The following FYB1 variants were observed in gnomAD, a reference collection of about 807,000 sequenced individuals.
FYB1 encodes the protein FYN binding protein 1, also known as FYN-binding protein 1.
In FYB1, 41 loss-of-function variants were observed where a neutral mutation model predicts 94.1. The observed-to-expected ratio is 0.44, with a 90% CI of 0.34 to 0.57. FYB1 has a LOEUF of 0.57. Ranked by LOEUF, FYB1 falls within the 20% of genes least tolerant of loss-of-function variation. The probability of loss-of-function intolerance (pLI) is 0.02; values close to 1 mark genes in which losing one functional copy is unlikely to be tolerated. For missense variants in FYB1, 1,050 were observed against 976.8 expected (o/e 1.07, Z -1.00); for synonymous variants, 367 against 353.2 (o/e 1.04, Z -0.44).
In FYB1 at chr5:39,175,931, AGACATCAGT is replaced by A. The variant is rs1745679816; in HGVS notation, c.1136-22336_1136-22328del. Among the ~76,000 whole-genome samples, 5 of 152,246 alleles carry A rather than the reference AGACATCAGT, an allele frequency of 3.3e-5. No homozygotes were observed. The South Asian group carries it at 1.0e-3, about 32-fold the overall frequency. ...TAATGGATAAGGAATAGTGTGTCCC[AGACATCAGT>A]GACATTCAAGAATATGGAATCACTC... is the stretch of plus-strand genomic sequence containing the variant. On this transcript the variant is annotated intron_variant, in intron 2 of 18. Transcript: ENST00000512982.
chr5:39,262,959 G>A (rs1362640915), intron 1 of FYB1, among the ~76,000 whole-genome samples: 1 of 150,494 alleles, frequency 6.6e-6, no homozygotes, highest in African/African-American at 2.5e-5. Flanking sequence ...GTGGGAAGGA[G>A]GGACATAGAA....
intron 1 of FYB1, among the ~76,000 whole-genome samples, chr5:39,237,758 C>T (rs555265237): frequency 2.2e-4 from 34 of 152,022 alleles, no homozygotes; most frequent in Non-Finnish European, 4.3e-4. Context: ...AACATTCATA[C>T]AAATAAATGG....
Position 39,202,677 on chromosome 5 carries a change from G to T in FYB1, c.284C>A (p.Pro95Gln). The change falls in exon 2 of 19, where the codon CCA becomes CAA. Residue 95 changes from proline (P) to glutamine (Q), a missense_variant. Physicochemically the swap from Pro to Gln is moderately conservative, Grantham distance 76. Transcript: ENST00000512982. ...PTGAGQRFGT[P>Q]ASLTTRDPEA... ...GGGGTCTCTGGTGGTCAAGCTGGCT[G>T]GTGTTCCGAATCTTTGGCCTGCTCC... The T allele has an allele frequency of 6.2e-7, 1 of 1,613,878 alleles. No individual in the cohort carries two copies. The highest frequency in any genetic ancestry group is 1.3e-5 in the African/African-American group (1 of 75,000).
intron 1 of FYB1, among the ~76,000 whole-genome samples, chr5:39,246,396 AT>A (rs1303693090): frequency 6.6e-6 from 1 of 152,220 alleles, no homozygotes; most frequent in Non-Finnish European, 1.5e-5. Context: ...TATGGTGTCA[AT>A]TCAGCTTGGA....
rs1463556753 is a variant in FYB1, at chr5:39,119,653, C to T, written c.2139-19G>A. 2.0e-6 allele frequency: 3 copies of T among 1,479,840 alleles called. No individual in the cohort carries two copies. Among genetic ancestry groups the T allele is most frequent in the Non-Finnish European group, 1.8e-6 (2 of 1,116,450 alleles). The allele number at this position is 1,479,840 out of a possible 1,614,324, so 91.7% of individuals were successfully genotyped here. On this transcript the variant is annotated intron_variant, in intron 14 of 18. Coordinates refer to ENST00000512982, the MANE Select transcript of FYB1 (RefSeq NM_001465.6). ...TCCTTGACTAGAACGGCAGAACACA[C>T]ATAAAACAACACTTTGTTTAGAAAA... is the stretch of plus-strand genomic sequence containing the variant.
intron 2 of FYB1, among the ~76,000 whole-genome samples, chr5:39,190,753 G>C (rs1329915517): frequency 7.6e-6 from 1 of 131,478 alleles, no homozygotes; most frequent in Admixed American, 8.5e-5. Flanking sequence ...TGACTGAGGA[G>C]CAAACCATGC....
intron 1 of FYB1, among the ~76,000 whole-genome samples, chr5:39,232,547 A>ATT (rs112022910): frequency 6.7e-6 from 1 of 149,882 alleles, no homozygotes; most frequent in African/African-American, 2.5e-5. Flanking sequence ...TTATTTATTT[A>ATT]TTTTTTATTT....
intron 2 of FYB1, among the ~76,000 whole-genome samples, chr5:39,172,769 G>C (rs568227862): frequency 6.6e-6 from 1 of 152,318 alleles, no homozygotes; most frequent in East Asian, 1.9e-4. Flanking sequence ...TTGCTGCAAA[G>C]GACATGACTT....
At chr5:39,161,707 C>T (rs1011039188) in intron 2 of FYB1, among the ~76,000 whole-genome samples, 11 of 151,806 alleles carry the variant, frequency 7.2e-5, no homozygotes, top group African/African-American at 2.7e-4. Flanking sequence ...AAGTATAAGT[C>T]ACATAAATAA....
intron 2 of FYB1, among the ~76,000 whole-genome samples, chr5:39,180,919 T>C (rs926591856): frequency 3.9e-5 from 6 of 152,256 alleles, no homozygotes; most frequent in Admixed American, 3.9e-4. Context: ...AGAGATTATA[T>C]AAAAGATTAC....
intron 1 of FYB1, 29 bp downstream of exon 1, chr5:39,219,414 G>A (rs1383218598): frequency 1.0e-6 from 1 of 984,928 alleles, no homozygotes; most frequent in Non-Finnish European, 1.2e-6. Context: ...ACATTTATTT[G>A]AAAGAAGAAA....
intron 5 of FYB1, chr5:39,138,933 T>C: frequency 1.8e-6 from 1 of 560,974 alleles, no homozygotes; most frequent in South Asian, 2.0e-5. Context: ...AAAATATTTT[T>C]TTTCTCCTTA....
chr5:39,144,661 G>A (rs1019009215), intron 3 of FYB1, among the ~76,000 whole-genome samples: 10 of 152,092 alleles, frequency 6.6e-5, no homozygotes, highest in Admixed American at 1.3e-4. Flanking sequence ...AATTAGCCGA[G>A]TGTGGTGGCG....
Position 39,137,582 on chromosome 5 carries a change from T to A in FYB1, c.1515+18A>T. ...AAAAAGATGTTATTCTTTCACTCAT[T>A]AGCAAGCAAGCCCTTACTTTAAATT... On this transcript the variant is annotated intron_variant, in intron 7 of 18. Coordinates refer to ENST00000512982, the MANE Select transcript of FYB1 (RefSeq NM_001465.6). 6.5e-7 allele frequency: 1 copy of A among 1,535,282 alleles called. No individual in the cohort carries two copies. Among genetic ancestry groups the A allele is most frequent in the Non-Finnish European group, 8.8e-7 (1 of 1,142,114 alleles).
At chr5:39,113,622 A>G (rs184485594) in intron 16 of FYB1, among the ~76,000 whole-genome samples, 13 of 152,310 alleles carry the variant, frequency 8.5e-5, no homozygotes, top group Admixed American at 7.2e-4. Flanking sequence ...ATAGAAAATA[A>G]TCTTTGGAAA....
At position 39,230,741 on chromosome 5, in the gene FYB1, A is replaced by C. The variant is rs370861534; in HGVS notation, c.-27-27754T>G. On this transcript the variant is annotated intron_variant, in intron 1 of 1. Coordinates refer to the FYB1 transcript ENST00000510188. ...ACACCCGTTCAAAGGCATTATCCACAAGGCTGATGCTGGCATCACGGTCTA... is the reference window on the plus strand; with the variant it reads ...ACACCCGTTCAAAGGCATTATCCACCAGGCTGATGCTGGCATCACGGTCTA... 5.9e-5 allele frequency among the ~76,000 whole-genome samples: 9 copies of C among 151,870 alleles called. No homozygotes were observed. In the East Asian group the frequency reaches 9.7e-4, roughly 16 times the overall value.
chr5:39,111,487 A>G (rs1375870884), intron 16 of FYB1, among the ~76,000 whole-genome samples: 1 of 151,922 alleles, frequency 6.6e-6, no homozygotes, highest in East Asian at 1.9e-4. Context: ...AAACATGAAA[A>G]TATTTTTTAA....
At chr5:39,208,312 A>G (rs144363271) in intron 1 of FYB1, among the ~76,000 whole-genome samples, 25 of 152,336 alleles carry the variant, frequency 1.6e-4, no homozygotes, top group Non-Finnish European at 2.4e-4. Flanking sequence ...TCTTCCCTAT[A>G]TAAAGCCCAT....
intron 1 of FYB1, among the ~76,000 whole-genome samples, chr5:39,211,488 A>AT (rs1561273772): frequency 6.6e-6 from 1 of 151,788 alleles, no homozygotes; most frequent in South Asian, 2.1e-4. Flanking sequence ...CGCCTGGCTA[A>AT]TTTTTTGTAT....
Sources: allele counts gnomAD v4.1 joint callset (sites outside exome capture counted in the v4.1 genomes callset), GRCh38; gene constraint gnomAD v4.1.1; transcripts MANE v1.5; gene names NCBI Gene and HGNC (gene_info 2026-07-23, HGNC 2026-07-21).